INPP4A: variants seen among roughly 807,000 people sequenced by gnomAD.
INPP4A encodes the protein inositol polyphosphate-4-phosphatase, type I, 107kD.
A neutral mutation model predicts 119.8 loss-of-function variants in INPP4A; 33 were observed. That is an observed-to-expected ratio of 0.28 (90% CI 0.21 to 0.37). INPP4A has a LOEUF of 0.37. INPP4A is among the 10% of genes least tolerant of loss of function. The pLI, the probability that INPP4A is intolerant of heterozygous loss-of-function variation, is 1.00. For missense variants in INPP4A, 956 were observed against 1,289.9 expected (o/e 0.74, Z 3.97); for synonymous variants, 496 against 500.7 (o/e 0.99, Z 0.12).
At chr2:98,450,767 CTT>C (rs1268314794) in intron 1 of INPP4A, among the ~76,000 whole-genome samples, 2 of 152,182 alleles carry the variant, frequency 1.3e-5, no homozygotes, top group South Asian at 2.1e-4. Flanking sequence ...TTAGTTGTCT[CTT>C]TCTGTTTTTT....
intron 1 of INPP4A, among the ~76,000 whole-genome samples, chr2:98,490,964 G>A (rs934485436): frequency 6.6e-6 from 1 of 152,040 alleles, no homozygotes; most frequent in African/African-American, 2.4e-5. Flanking sequence ...TTTAATGATA[G>A]CATTTTAATT....
chr2:98,453,779 C>T (rs948807303), intron 1 of INPP4A, among the ~76,000 whole-genome samples: 10 of 152,092 alleles, frequency 6.6e-5, no homozygotes, highest in African/African-American at 2.4e-4. Flanking sequence ...CCTGCTCTGG[C>T]GTATTGTTCG....
chr2:98,537,947 C>T lies in INPP4A; in HGVS notation c.552C>T (p.Thr184=). The T allele has an allele frequency of 6.2e-7, 1 of 1,611,950 alleles. No individual in the cohort carries two copies. The highest frequency in any genetic ancestry group is 8.5e-7 in the Non-Finnish European group (1 of 1,178,864). ...AGTCAGACCAACGGCCCCCTGTGAC[C>T]CGGTCTGTGGACACTGTCAATGGGA... is the stretch of plus-strand genomic sequence containing the variant. ...EEKSDQRPPV[T]RSVDTVNGRM... Residue 184 remains threonine (T), a synonymous_variant, in exon 8 of 25, where the codon ACC becomes ACT. Coordinates refer to ENST00000409851, the MANE Select transcript of INPP4A (RefSeq NM_001134225.2).
intron 1 of INPP4A, among the ~76,000 whole-genome samples, chr2:98,484,152 C>T (rs1211122185): frequency 6.6e-6 from 1 of 152,162 alleles, no homozygotes; most frequent in East Asian, 1.9e-4. Flanking sequence ...CCATGTTACC[C>T]CTGGCCCCAG....
intron 1 of INPP4A, among the ~76,000 whole-genome samples, chr2:98,488,301 G>A (rs904953666): frequency 6.6e-6 from 1 of 152,114 alleles, no homozygotes; most frequent in Non-Finnish European, 1.5e-5. Flanking sequence ...ATCAAGATAT[G>A]GGTGCCAAGT....
intron 7 of INPP4A, among the ~76,000 whole-genome samples, chr2:98,536,993 G>T (rs1349879169): frequency 6.6e-6 from 1 of 152,192 alleles, no homozygotes; most frequent in Admixed American, 6.5e-5. Flanking sequence ...TAAGGGAAAG[G>T]GCTTTGAGAA....
intron 1 of INPP4A, among the ~76,000 whole-genome samples, chr2:98,454,090 G>A (rs1312891686): frequency 6.6e-6 from 1 of 152,134 alleles, no homozygotes; most frequent in Non-Finnish European, 1.5e-5. Flanking sequence ...CTGGGTGACA[G>A]GGCAAAACTC....
At chr2:98,476,666 C>G (rs1677284848) in intron 1 of INPP4A, among the ~76,000 whole-genome samples, 1 of 152,128 alleles carries the variant, frequency 6.6e-6, no homozygotes, top group Admixed American at 6.5e-5. Flanking sequence ...CAGCAGGGCC[C>G]ACCTCCCTCT....
intron 24 of INPP4A, 49 bp downstream of exon 24, chr2:98,577,192 A>G: frequency 6.6e-7 from 1 of 1,520,308 alleles, no homozygotes; most frequent in East Asian, 2.5e-5. Context: ...GGCCCGTGTA[A>G]ACTGCAGATG....
intron 23 of INPP4A, 84 bp downstream of exon 23, chr2:98,573,011 A>C: frequency 1.6e-3 from 1,526 of 955,012 alleles, no homozygotes; most frequent in Non-Finnish European, 2.2e-3. Flanking sequence ...GTAGAATCTC[A>C]GCAGGAGAGC....
At chr2:98,450,029 T>G (rs1694949621) in intron 1 of INPP4A, among the ~76,000 whole-genome samples, 1 of 152,252 alleles carries the variant, frequency 6.6e-6, no homozygotes, top group Non-Finnish European at 1.5e-5. Context: ...TACTAGATTG[T>G]GGAAGTTACG....
chr2:98,488,892 A>G (rs1350938748), intron 1 of INPP4A, among the ~76,000 whole-genome samples: 1 of 150,810 alleles, frequency 6.6e-6, no homozygotes, highest in African/African-American at 2.4e-5. Flanking sequence ...AAGCCTCACA[A>G]TGCAACCTAA....
chr2:98,573,515 C>G (rs906641807), intron 23 of INPP4A, among the ~76,000 whole-genome samples: 1 of 152,166 alleles, frequency 6.6e-6, no homozygotes, highest in African/African-American at 2.4e-5. Flanking sequence ...CACACATGGC[C>G]CCAGTGGCAT....
At chr2:98,490,364 G>A (rs1242308570) in intron 1 of INPP4A, among the ~76,000 whole-genome samples, 1 of 151,936 alleles carries the variant, frequency 6.6e-6, no homozygotes, top group African/African-American at 2.4e-5. Flanking sequence ...GGAGGAGAAG[G>A]TGGTTTCAGA....
chr2:98,561,495 T>C lies in INPP4A; in HGVS notation c.1856-1970T>C, dbSNP rs564426668. ...CTCTGGGCAGATAACGACACTCACC[T>C]TCTACCAAGTTCCATATCTCCTCTT... On this transcript the variant is annotated intron_variant, in intron 17 of 24. Coordinates refer to ENST00000409851, the MANE Select transcript of INPP4A (RefSeq NM_001134225.2). Among the ~76,000 whole-genome samples the C allele has an allele frequency of 2.0e-5, 3 of 152,370 alleles. No homozygotes were observed. In the South Asian group the frequency reaches 6.2e-4, roughly 32 times the overall value.
intron 1 of INPP4A, among the ~76,000 whole-genome samples, chr2:98,478,121 C>T (rs74618860): frequency 0.015 from 2,357 of 152,338 alleles, 69 homozygotes; most frequent in African/African-American, 0.054. Flanking sequence ...CTATTTTGGA[C>T]ACTGCCGTAG....
intron 16 of INPP4A, among the ~76,000 whole-genome samples, chr2:98,558,636 T>C (rs1266011714): frequency 6.6e-6 from 1 of 152,210 alleles, no homozygotes; most frequent in Non-Finnish European, 1.5e-5. Context: ...CATTTCCACA[T>C]CCTGAAGACA....
intron 1 of INPP4A, among the ~76,000 whole-genome samples, chr2:98,468,570 G>A (rs1675274000): frequency 6.6e-6 from 1 of 151,960 alleles, no homozygotes; most frequent in African/African-American, 2.4e-5. Flanking sequence ...TGCCACTAGG[G>A]GAGGGTAATA....
At chr2:98,492,784 C>G (rs932213253) in intron 1 of INPP4A, among the ~76,000 whole-genome samples, 1 of 152,202 alleles carries the variant, frequency 6.6e-6, no homozygotes, top group African/African-American at 2.4e-5. Flanking sequence ...GAAAACAGAG[C>G]CTAGCCAGGA....
Sources: gnomAD v4.1 joint callset for allele counts (sites outside exome capture counted in the v4.1 genomes callset) on GRCh38, gnomAD v4.1.1 for gene constraint, MANE v1.5 for transcripts, NCBI Gene and HGNC (gene_info 2026-07-23, HGNC 2026-07-21) for gene names.